Variants in PCGF3 observed in about 807,000 individuals in gnomAD.
PCGF3 encodes the protein polycomb group RING finger protein 3.
A neutral mutation model predicts 33.1 loss-of-function variants in PCGF3; 7 were observed. The observed-to-expected ratio is 0.21, with a 90% CI of 0.12 to 0.40. The LOEUF (loss-of-function observed/expected upper bound fraction) is 0.40, where lower values mean the gene tolerates loss of function less well. Among genes scored for constraint, PCGF3 ranks in the 10% least tolerant of loss-of-function variants. The pLI is 1.00. For missense variants in PCGF3, 211 were observed against 313.3 expected, an observed-to-expected ratio of 0.67 and a Z score of 2.46; for synonymous variants, 153 against 121.3, an observed-to-expected ratio of 1.26 and a Z score of -1.72.
chr4:734,903 T>C, intron 4 of PCGF3, 28 bp from the exon 5 acceptor site: 1 of 1,609,246 alleles, frequency 6.2e-7, no homozygotes, highest in Non-Finnish European at 8.5e-7. Context: ...CTAGACGCTC[T>C]CCTAACACAC....
intron 7 of PCGF3, 55 bp from the exon 8 acceptor site, chr4:744,544 TA>T: frequency 7.4e-7 from 1 of 1,358,744 alleles, no homozygotes; most frequent in Non-Finnish European, 1.0e-6. Flanking sequence ...TGTAGTTTTT[TA>T]AATGGCTTGA....
intron 1 of PCGF3, among the ~76,000 whole-genome samples, chr4:719,248 C>T (rs752639181): frequency 1.3e-5 from 2 of 152,190 alleles, no homozygotes; most frequent in African/African-American, 4.8e-5. Context: ...CCACCTCACC[C>T]GGCTGTTTTT....
At chr4:716,508 C>A (rs1384991398) in intron 1 of PCGF3, among the ~76,000 whole-genome samples, 1 of 91,936 alleles carries the variant, frequency 1.1e-5, no homozygotes, top group East Asian at 3.6e-4. Context: ...GTGGACACTG[C>A]GAGTGTGAGA....
chr4:753,966 C>T lies in PCGF3; in HGVS notation c.463-7313C>T, dbSNP rs530670847. ...ACCCTACATTCAGCTTCCCTTGGAG[C>T]GAGCAGCTGCCCAGTGGACTTCAGG... On this transcript the variant is annotated intron_variant, in intron 8 of 10. Coordinates refer to ENST00000362003, the Ensembl canonical transcript of PCGF3. Among the ~76,000 whole-genome samples, 9 of 152,302 alleles carry T rather than the reference C, an allele frequency of 5.9e-5. No homozygotes were observed. The East Asian group carries it at 7.7e-4, about 13-fold the overall frequency.
exon 11 of PCGF3, chr4:767,648 C>T (rs1471342968): frequency 6.6e-6 from 1 of 152,162 alleles, no homozygotes. Context: ...ATATTAATTC[C>T]ATCTGAGTGA....
At chr4:765,845 C>T (rs1296945352) in intron 10 of PCGF3, among the ~76,000 whole-genome samples, 187 bp from the exon 11 acceptor site, 1 of 152,100 alleles carries the variant, frequency 6.6e-6, no homozygotes, top group Non-Finnish European at 1.5e-5. Context: ...ACATGTCTTC[C>T]TAGCCCGTCT....
intron 3 of PCGF3, among the ~76,000 whole-genome samples, chr4:733,178 G>A (rs546019227): frequency 6.6e-6 from 1 of 151,266 alleles, no homozygotes; most frequent in South Asian, 2.1e-4. Context: ...CAAGTGAATG[G>A]GGAGGAAGGG....
intron 1 of PCGF3, among the ~76,000 whole-genome samples, chr4:722,883 G>A (rs1446761686): frequency 2.0e-5 from 2 of 99,720 alleles, no homozygotes; most frequent in African/African-American, 8.3e-5. Flanking sequence ...CCACACTCGC[G>A]TCATCGCCAT....
At chr4:716,115 G>GT (rs1742822297) in intron 1 of PCGF3, among the ~76,000 whole-genome samples, 1 of 78,420 alleles carries the variant, frequency 1.3e-5, no homozygotes, top group African/African-American at 4.4e-5. Flanking sequence ...AGACACTGAG[G>GT]GTGAGAACTG....
intron 9 of PCGF3, 82 bp downstream of exon 9, chr4:761,498 T>A: frequency 6.9e-7 from 1 of 1,453,176 alleles, no homozygotes; most frequent in Non-Finnish European, 9.2e-7. Flanking sequence ...TGCTTAGTTT[T>A]GTTTTGTTTT....
chr4:751,481 C>A (rs545087280), intron 8 of PCGF3, among the ~76,000 whole-genome samples: 1 of 152,122 alleles, frequency 6.6e-6, no homozygotes, highest in East Asian at 1.9e-4. Flanking sequence ...AGTGCGGTGG[C>A]CCCTGAGCTC....
intron 1 of PCGF3, among the ~76,000 whole-genome samples, chr4:726,506 C>T (rs868432665): frequency 1.3e-5 from 2 of 152,226 alleles, no homozygotes; most frequent in Non-Finnish European, 2.9e-5. Context: ...TTTTTTTCTC[C>T]ATGGTGCTTT....
rs1241223350 is a variant in PCGF3, at chr4:730,383, C to T, written c.-189-247C>T. On this transcript the variant is annotated intron_variant, in intron 1 of 10. Coordinates refer to ENST00000362003, the Ensembl canonical transcript of PCGF3. ...GGGCCCCCAGCTGCCCCCCCACCCCCGTGGGCCACGTGCCCACTCCTGCTG... is the reference window on the plus strand; with the variant it reads ...GGGCCCCCAGCTGCCCCCCCACCCCTGTGGGCCACGTGCCCACTCCTGCTG... Among the ~76,000 whole-genome samples the T allele has an allele frequency of 2.6e-5, 4 of 152,168 alleles. No homozygotes were observed. In the South Asian group the frequency reaches 6.2e-4, roughly 24 times the overall value.
chr4:763,422 C>A (rs1375281936), intron 9 of PCGF3, among the ~76,000 whole-genome samples: 3 of 152,106 alleles, frequency 2.0e-5, no homozygotes, highest in Non-Finnish European at 4.4e-5. Context: ...TCTGAGCCCC[C>A]AACCCAGCCA....
chr4:749,401 T>C (rs1415767110), intron 8 of PCGF3, among the ~76,000 whole-genome samples: 1 of 151,058 alleles, frequency 6.6e-6, no homozygotes, highest in Non-Finnish European at 1.5e-5. Flanking sequence ...TGACCTCGGG[T>C]GATCCACCCA....
intron 8 of PCGF3, among the ~76,000 whole-genome samples, chr4:753,043 G>T (rs538293292): frequency 6.6e-6 from 1 of 152,310 alleles, no homozygotes; most frequent in East Asian, 1.9e-4. Context: ...GACAGATCCC[G>T]GCCCTCACTG....
intron 7 of PCGF3, chr4:743,797 G>A (rs1744197535): frequency 2.1e-6 from 1 of 476,668 alleles, no homozygotes; most frequent in Non-Finnish European, 3.8e-6. Flanking sequence ...CAGCAGGGGA[G>A]AGCAGGAGGG....
exon 8 of PCGF3, chr4:744,679 C>T: frequency 1.9e-6 from 3 of 1,553,200 alleles, no homozygotes; most frequent in East Asian, 2.4e-5. Context: ...ACCACCGCAG[C>T]GACGAGCAGG....
At position 733,819 on chromosome 4, in the gene PCGF3, G is replaced by C. The variant is rs755271965; in HGVS notation, c.109+30G>C. The C allele has an allele frequency of 2.8e-5, 45 of 1,613,672 alleles. 2 individuals carry two copies. In the South Asian group the frequency reaches 4.9e-4, roughly 18 times the overall value. ...GTGCCCTGCCCGCGCCACCCAGGGAGGGCGCGCCCTTCCCAGCTCTGTGCT... is the reference window on the plus strand; with the variant it reads ...GTGCCCTGCCCGCGCCACCCAGGGACGGCGCGCCCTTCCCAGCTCTGTGCT... On this transcript the variant is annotated intron_variant, in intron 4 of 10. Transcript: ENST00000362003.
Sources: gnomAD v4.1 joint callset for allele counts (sites outside exome capture counted in the v4.1 genomes callset) on GRCh38, gnomAD v4.1.1 for gene constraint, MANE v1.5 for transcripts, NCBI Gene and HGNC (gene_info 2026-07-23, HGNC 2026-07-21) for gene names.